SERPINI1: variants seen among roughly 807,000 people sequenced by gnomAD.
SERPINI1 encodes neuroserpin.
A neutral mutation model predicts 41.1 loss-of-function variants in SERPINI1; 19 were observed. The observed-to-expected ratio is 0.46, with a 90% CI of 0.32 to 0.68. The LOEUF (loss-of-function observed/expected upper bound fraction) is 0.68, where lower values mean the gene tolerates loss of function less well. Ranked by LOEUF, SERPINI1 falls within the 30% of genes least tolerant of loss-of-function variation. SERPINI1 has a pLI of 0.03. For synonymous variants in SERPINI1, 138 were observed against 156.6 expected (o/e 0.88, Z 0.89); for missense variants, 460 against 479.2 (o/e 0.96, Z 0.37).
At chr3:167,739,550 G>T (rs1384864483) in intron 1 of SERPINI1, among the ~76,000 whole-genome samples, 1 of 152,180 alleles carries the variant, frequency 6.6e-6, no homozygotes, top group East Asian at 1.9e-4. Context: ...ATATAGGCGA[G>T]GGTAAAGGAG....
chr3:167,825,556 T>G lies in SERPINI1; in HGVS notation c.*233T>G. On this transcript the variant is annotated 3_prime_UTR_variant, in exon 9 of 9. Coordinates refer to ENST00000446050, the MANE Select transcript of SERPINI1 (RefSeq NM_001122752.2). ...TGCTGTTGTTTAAAATAAAAGTACC[T>G]ATTGAACATGTGACTAGATCTATTT... The G allele has an allele frequency of 2.1e-6, 1 of 483,828 alleles. No individual in the cohort carries two copies. The highest frequency in any genetic ancestry group is 3.7e-6 in the Non-Finnish European group (1 of 270,320). The allele number at this position is 483,828 out of a possible 1,614,324, so 30.0% of individuals were successfully genotyped here. A position where few individuals can be genotyped will look rare whatever the true frequency, so the allele number is the denominator to read the frequency against.
chr3:167,743,336 A>G (rs976307827), intron 1 of SERPINI1, among the ~76,000 whole-genome samples: 5 of 152,218 alleles, frequency 3.3e-5, no homozygotes, highest in African/African-American at 1.2e-4. Context: ...TCATTCATAC[A>G]GTGACACTTT....
At chr3:167,801,483 T>G (rs1295332399) in intron 5 of SERPINI1, among the ~76,000 whole-genome samples, 3 of 152,164 alleles carry the variant, frequency 2.0e-5, no homozygotes, top group African/African-American at 7.2e-5. Flanking sequence ...ATGCGGGGGC[T>G]TTACTGTCAG....
intron 1 of SERPINI1, among the ~76,000 whole-genome samples, chr3:167,785,013 C>A (rs1177342151): frequency 6.6e-6 from 1 of 152,026 alleles, no homozygotes; most frequent in Non-Finnish European, 1.5e-5. Context: ...GAGGCCGAGG[C>A]GGGTGGATCA....
intron 6 of SERPINI1, 149 bp downstream of exon 6, chr3:167,807,490 T>C: frequency 1.6e-6 from 1 of 619,086 alleles, no homozygotes; most frequent in Non-Finnish European, 2.9e-6. Flanking sequence ...ATTTAACCTC[T>C]ACAAGCAAAA....
intron 1 of SERPINI1, among the ~76,000 whole-genome samples, chr3:167,763,069 G>C (rs1726437916): frequency 6.6e-6 from 1 of 152,042 alleles, no homozygotes; most frequent in Non-Finnish European, 1.5e-5. Context: ...TGTGTAAGTA[G>C]GGAAAATATA....
intron 6 of SERPINI1, among the ~76,000 whole-genome samples, chr3:167,812,239 T>G (rs11917120): frequency 0.81 from 123,702 of 152,176 alleles, 50,510 homozygotes; most frequent in East Asian, 0.97. Context: ...AACTTACTCT[T>G]AGATCATTCC....
At chr3:167,755,643 G>A (rs1487678155) in intron 1 of SERPINI1, among the ~76,000 whole-genome samples, 1 of 152,020 alleles carries the variant, frequency 6.6e-6, no homozygotes, top group East Asian at 1.9e-4. Context: ...TGTGACCTTG[G>A]TATTATGGCA....
intron 1 of SERPINI1, among the ~76,000 whole-genome samples, chr3:167,758,528 A>G (rs1396854953): frequency 6.6e-6 from 1 of 152,228 alleles, no homozygotes; most frequent in Admixed American, 6.5e-5. Flanking sequence ...TATGGCATTA[A>G]TCATTGTTGC....
intron 5 of SERPINI1, among the ~76,000 whole-genome samples, chr3:167,804,306 C>T (rs1273415772): frequency 1.3e-5 from 2 of 152,084 alleles, no homozygotes; most frequent in Non-Finnish European, 2.9e-5. Flanking sequence ...TTTTGTTTAC[C>T]GCCATCATTT....
At chr3:167,764,283 A>G (rs192669912) in intron 1 of SERPINI1, among the ~76,000 whole-genome samples, 83 of 152,162 alleles carry the variant, frequency 5.5e-4, no homozygotes, top group Non-Finnish European at 1.0e-3. Flanking sequence ...TTCATACCCA[A>G]ATTTATACAG....
intron 3 of SERPINI1, 114 bp downstream of exon 3, chr3:167,790,716 T>C: frequency 1.3e-6 from 1 of 762,260 alleles, no homozygotes; most frequent in Non-Finnish European, 2.3e-6. Flanking sequence ...AGCATTTAGT[T>C]GGGTATCTAA....
intron 1 of SERPINI1, among the ~76,000 whole-genome samples, chr3:167,783,227 A>C (rs865899054): frequency 3.9e-5 from 6 of 152,302 alleles, no homozygotes; most frequent in Middle Eastern, 6.8e-3. Context: ...GGGAATGGCC[A>C]TGGGATGATC....
At chr3:167,772,889 TATATAC>T (rs1209386404) in intron 1 of SERPINI1, among the ~76,000 whole-genome samples, 13 of 77,152 alleles carry the variant, frequency 1.7e-4, no homozygotes, top group Non-Finnish European at 2.1e-4. Context: ...TATATATATA[TATATAC>T]ACACACACAC....
chr3:167,748,002 A>G (rs975059402), intron 1 of SERPINI1, among the ~76,000 whole-genome samples: 4 of 151,896 alleles, frequency 2.6e-5, no homozygotes, highest in African/African-American at 7.2e-5. Flanking sequence ...AGATAAAAAT[A>G]AAGGAGGCGG....
At chr3:167,772,893 T>C (rs1019654638) in intron 1 of SERPINI1, among the ~76,000 whole-genome samples, 122 of 52,216 alleles carry the variant, frequency 2.3e-3, no homozygotes, top group South Asian at 3.9e-3. Flanking sequence ...TATATATATA[T>C]ACACACACAC....
intron 1 of SERPINI1, among the ~76,000 whole-genome samples, chr3:167,740,031 T>G (rs1170252864): frequency 1.3e-5 from 2 of 151,570 alleles, no homozygotes; most frequent in Non-Finnish European, 2.9e-5. Flanking sequence ...TTTTTTTTTT[T>G]GCCGCCTTTT....
chr3:167,793,590 A>ATTTTT (rs1377107351), intron 4 of SERPINI1, among the ~76,000 whole-genome samples: 17 of 103,358 alleles, frequency 1.6e-4, no homozygotes, highest in African/African-American at 8.1e-4. Flanking sequence ...ATATATATAT[A>ATTTTT]TATATATTTT....
chr3:167,817,615 T>C (rs1712146530), intron 6 of SERPINI1, among the ~76,000 whole-genome samples: 1 of 152,028 alleles, frequency 6.6e-6, no homozygotes, highest in Non-Finnish European at 1.5e-5. Context: ...TTTATTTTTT[T>C]GAGACAGAGT....
Sources: gnomAD v4.1 joint callset for allele counts (sites outside exome capture counted in the v4.1 genomes callset) on GRCh38, gnomAD v4.1.1 for gene constraint, MANE v1.5 for transcripts, NCBI Gene and HGNC (gene_info 2026-07-23, HGNC 2026-07-21) for gene names.